Variants in IL17RC observed in about 807,000 individuals in gnomAD.
The protein encoded by IL17RC is interleukin 17 receptor C.
Under a neutral mutation model 86.7 loss-of-function variants are expected in IL17RC, and 53 were observed. That is an observed-to-expected ratio of 0.61 (90% CI 0.49 to 0.77). IL17RC has a LOEUF of 0.77. Among genes scored for constraint, IL17RC ranks in the 30% least tolerant of loss-of-function variants. The probability of loss-of-function intolerance (pLI) is 0.00; values close to 1 mark genes in which losing one functional copy is unlikely to be tolerated. For synonymous variants in IL17RC, 439 were observed against 413.1 expected (o/e 1.06, Z -0.76); for missense variants, 957 against 940.0 (o/e 1.02, Z -0.24).
intron 12 of IL17RC, 64 bp downstream of exon 12, chr3:9,928,694 G>T (rs1050526253): frequency 1.2e-5 from 19 of 1,547,732 alleles, no homozygotes; most frequent in Admixed American, 7.0e-5. Flanking sequence ...CAGCCAAGGG[G>T]GTCTTAGTTC....
intron 12 of IL17RC, 199 bp from the exon 13 acceptor site, chr3:9,929,653 T>C: frequency 1.5e-6 from 1 of 672,490 alleles, no homozygotes; most frequent in Non-Finnish European, 2.7e-6. Context: ...AGACGCTTTA[T>C]ACAGATGATC....
chr3:9,922,420 T>C (rs918104817), intron 7 of IL17RC, among the ~76,000 whole-genome samples: 5 of 152,256 alleles, frequency 3.3e-5, no homozygotes, highest in African/African-American at 4.8e-5. Flanking sequence ...GGCAACTCAT[T>C]AAAGACTATT....
Position 9,930,562 on chromosome 3 carries a change from G to C in IL17RC, c.1338+103G>C. Reference sequence around the variant, plus strand: ...TTAGGCTTATTTTATGTTCAGCCCTGGGAAAGTTAAGAGTAGAAGAAGCAC... The same window carrying C: ...TTAGGCTTATTTTATGTTCAGCCCTCGGAAAGTTAAGAGTAGAAGAAGCAC... On this transcript the variant is annotated intron_variant, in intron 15 of 18. Coordinates refer to ENST00000403601, the MANE Select transcript of IL17RC (RefSeq NM_153460.4). The surrounding 1 kb of genome is among the most constrained non-coding windows in gnomAD (Gnocchi z 5.8). 1 of 1,205,688 alleles carries C rather than the reference G, an allele frequency of 8.3e-7. No homozygotes were observed. Among genetic ancestry groups the C allele is most frequent in the Non-Finnish European group, 1.2e-6 (1 of 840,374 alleles). The allele number at this position is 1,205,688 out of a possible 1,614,324, so 74.7% of individuals were successfully genotyped here.
rs1303489828 is a variant in IL17RC at position 9,930,221 on chromosome 3, C to A, written c.1278+72C>A. The A allele has an allele frequency of 3.1e-6, 5 of 1,594,026 alleles. No homozygotes were observed. In the Admixed American group the frequency reaches 8.4e-5, roughly 27 times the overall value. ...CACATCTGGCCTCAAATTTTCACTC[C>A]ATCCACCCTGTGCCGGTCTCTGGGA... On this transcript the variant is annotated intron_variant, in intron 14 of 18. Transcript: ENST00000403601. The surrounding 1 kb of genome is among the most constrained non-coding windows in gnomAD (Gnocchi z 5.8).
Position 9,928,390 on chromosome 3 carries a change from G to C in IL17RC, c.963G>C (p.Ser321=), listed in dbSNP as rs1001054288. The C allele has an allele frequency of 6.2e-7, 1 of 1,604,224 alleles. No individual in the cohort carries two copies. Among genetic ancestry groups the C allele is most frequent in the Non-Finnish European group, 8.5e-7 (1 of 1,175,796 alleles). The change falls in exon 11 of 19, where the codon TCG becomes TCC. Residue 321 remains serine (S), a synonymous_variant. Transcript: ENST00000403601. The part of the protein sequence containing the change: ...LQSWLLDAPC[S]LPAEAALCWR... ...GCTGGCTGCTGGACGCACCGTGCTC[G>C]CTGCCCGCAGAAGCGGCACTGTGCT...
At chr3:9,925,829 A>G (rs548616925) in intron 9 of IL17RC, among the ~76,000 whole-genome samples, 3 of 145,170 alleles carry the variant, frequency 2.1e-5, no homozygotes, top group African/African-American at 7.6e-5. Context: ...TTCCTTGTCC[A>G]TTTATCACTT....
intron 7 of IL17RC, among the ~76,000 whole-genome samples, chr3:9,921,952 C>CTTTTTTT (rs35608782): frequency 1.1e-5 from 1 of 88,202 alleles, no homozygotes; most frequent in African/African-American, 4.8e-5. Context: ...ATGTCCAGTT[C>CTTTTTTT]TTTTTTTTTT....
At position 9,930,664 on chromosome 3, in the gene IL17RC, G is replaced by T; in HGVS notation, c.1338+205G>T. The T allele has an allele frequency of 1.5e-6, 1 of 676,458 alleles. No individual in the cohort carries two copies. Among genetic ancestry groups the T allele is most frequent in the Non-Finnish European group, 2.6e-6 (1 of 391,366 alleles). 41.9% of individuals were successfully genotyped at this position (676,458 alleles called of 1,614,324 possible). Reference sequence around the variant, plus strand: ...ACCACACCTACAGGTGCTAAGTTTTGGGTTCCAGGGAGAGCTTCCGGGAAG... The same window carrying T: ...ACCACACCTACAGGTGCTAAGTTTTTGGTTCCAGGGAGAGCTTCCGGGAAG... On this transcript the variant is annotated intron_variant, in intron 15 of 18. Transcript: ENST00000403601. The surrounding 1 kb of genome is among the most constrained non-coding windows in gnomAD (Gnocchi z 5.8).
chr3:9,928,535 C>T lies in IL17RC; in HGVS notation c.1060-45C>T, dbSNP rs199918766. 8.4e-5 allele frequency: 135 copies of T among 1,613,436 alleles called. 1 individual carries two copies. The highest frequency in any genetic ancestry group is 1.1e-4 in the South Asian group (10 of 91,062). On this transcript the variant is annotated intron_variant, in intron 11 of 18. Coordinates refer to ENST00000403601, the MANE Select transcript of IL17RC (RefSeq NM_153460.4). ...CCGTGGTGAGGGGAGAGTGGGGAAC[C>T]GGGGGTCCCCTTTTGTGATCCCACC...
At chr3:9,926,842 G>C (rs995041588) in intron 9 of IL17RC, among the ~76,000 whole-genome samples, 1 of 151,830 alleles carries the variant, frequency 6.6e-6, no homozygotes, top group African/African-American at 2.4e-5. Flanking sequence ...AGATGGTCTC[G>C]ATCTCTTGAC....
At position 9,928,567 on chromosome 3, in the gene IL17RC, T is replaced by C. The variant is rs2084333680; in HGVS notation, c.1060-13T>C. 6.2e-7 allele frequency: 1 copy of C among 1,613,682 alleles called. No homozygotes were observed. The highest frequency in any genetic ancestry group is 8.5e-7 in the Non-Finnish European group (1 of 1,179,998). On this transcript the variant is annotated splice_polypyrimidine_tract_variant and intron_variant, in intron 11 of 18. Coordinates refer to ENST00000403601, the MANE Select transcript of IL17RC (RefSeq NM_153460.4). ...CCCCTTTTGTGATCCCACCCATTCC[T>C]CTCTTTCCACAGAAGGTTCTCGAGT... is the stretch of plus-strand genomic sequence containing the variant.
chr3:9,920,982 G>A lies in IL17RC; in HGVS notation c.622+13G>A. 6.4e-7 allele frequency: 1 copy of A among 1,569,638 alleles called. No individual in the cohort carries two copies. Among genetic ancestry groups the A allele is most frequent in the Non-Finnish European group, 8.6e-7 (1 of 1,161,304 alleles). On this transcript the variant is annotated intron_variant, in intron 7 of 18. Transcript: ENST00000403601. ...CCGAGCTGCTGGGGTAGGGGCTAGG[G>A]CCAGTGGGCCGGGGGTAGGGAGGGG... is the stretch of plus-strand genomic sequence containing the variant.
At position 9,933,155 on chromosome 3, in the gene IL17RC, CGTG is replaced by C. The variant is rs767576972; in HGVS notation, c.1731_1733del (p.Val578del). The C allele has an allele frequency of 6.2e-7, 1 of 1,604,028 alleles. No homozygotes were observed. Among genetic ancestry groups the C allele is most frequent in the East Asian group, 2.2e-5 (1 of 44,744 alleles). On this transcript the variant is annotated inframe_deletion, in exon 19 of 19. Coordinates refer to ENST00000403601, the MANE Select transcript of IL17RC (RefSeq NM_153460.4). ...GGCGCCAGACCCTGCAGGAGGGCGG[CGTG>C]GTGGTCTTGCTCTTCTCTCCCGGTG... is the stretch of plus-strand genomic sequence containing the variant.
At chr3:9,928,047 A>G (rs952109664) in intron 9 of IL17RC, 119 bp from the exon 10 acceptor site, 51 of 927,226 alleles carry the variant, frequency 5.5e-5, no homozygotes, top group Middle Eastern at 6.2e-4. Context: ...TGTAAAAGGC[A>G]GGAAGACCCA....
intron 9 of IL17RC, among the ~76,000 whole-genome samples, chr3:9,925,254 C>G (rs1041430547): frequency 6.7e-6 from 1 of 150,316 alleles, no homozygotes; most frequent in Admixed American, 6.7e-5. Flanking sequence ...GTAGCTGGGA[C>G]TACAGGTGCC....
At position 9,928,218 on chromosome 3, in the gene IL17RC, A is replaced by AG; in HGVS notation, c.877+1dup. ...AGGACGAACATCTGCCCCTTCAGGGAGGGTGAGCCGACCGGCCTGGGGCTG... is the reference window on the plus strand; with the variant it reads ...AGGACGAACATCTGCCCCTTCAGGGAGGGGTGAGCCGACCGGCCTGGGGCTG... On this transcript the variant is annotated frameshift_variant and splice_region_variant, in exon 10 of 19. Coordinates refer to ENST00000403601, the MANE Select transcript of IL17RC (RefSeq NM_153460.4). LOFTEE classifies it high-confidence loss of function. 6 of 1,610,628 alleles carry AG rather than the reference A, an allele frequency of 3.7e-6. No homozygotes were observed. The highest frequency in any genetic ancestry group is 5.1e-6 in the Non-Finnish European group (6 of 1,179,670).
At chr3:9,919,988 G>A (rs79022083) in intron 5 of IL17RC, among the ~76,000 whole-genome samples, 17 of 152,180 alleles carry the variant, frequency 1.1e-4, no homozygotes, top group Admixed American at 9.2e-4. Context: ...CATGTACCTG[G>A]AAGGTCTATT....
intron 9 of IL17RC, among the ~76,000 whole-genome samples, chr3:9,926,907 A>C (rs2084135884): frequency 6.6e-6 from 1 of 152,186 alleles, no homozygotes; most frequent in Non-Finnish European, 1.5e-5. Flanking sequence ...GGGGTGAGCC[A>C]CCGCGCCCAG....
In IL17RC at chr3:9,918,370, G is replaced by A. The variant is rs2083277977; in HGVS notation, c.316G>A (p.Gly106Arg). 6.2e-7 allele frequency: 1 copy of A among 1,605,748 alleles called. No individual in the cohort carries two copies. Among genetic ancestry groups the A allele is most frequent in the Non-Finnish European group, 8.5e-7 (1 of 1,176,082 alleles). The change falls in exon 4 of 19, where the codon GGA (glycine) becomes AGA (arginine). Residue 106 changes from glycine (G) to arginine (R), a missense_variant. Physicochemically the swap from Gly to Arg is moderately radical, Grantham distance 125 (BLOSUM62 -2). Transcript: ENST00000403601. The part of the protein sequence containing the change: ...WEEPEDEEKF[G>R]GAADSGVEEP... ...AGAGCCTGAAGATGAGGAAAAGTTT[G>A]GAGGAGCAGCTGACTCAGGGGTGGA... is the stretch of plus-strand genomic sequence containing the variant.
Sources: allele counts gnomAD v4.1 joint callset (sites outside exome capture counted in the v4.1 genomes callset), GRCh38; gene constraint gnomAD v4.1.1; non-coding constraint Gnocchi (gnomAD v3.1); transcripts MANE v1.5; gene names NCBI Gene and HGNC (gene_info 2026-07-23, HGNC 2026-07-21).